SLC25A48: variants seen among roughly 807,000 people sequenced by gnomAD.
SLC25A48 encodes CTC-321K16.1.
In SLC25A48, 29 loss-of-function variants were observed where a neutral mutation model predicts 32.2. That is an observed-to-expected ratio of 0.90 (90% CI 0.67 to 1.23). The LOEUF is 1.23. Ranked by LOEUF, SLC25A48 falls within the 50% of genes most tolerant of loss-of-function variation. The pLI is 0.00. For missense variants in SLC25A48, 399 were observed against 422.7 expected (o/e 0.94, Z 0.49); for synonymous variants, 164 against 172.3 (o/e 0.95, Z 0.38).
chr5:135,711,431 C>T (rs959151490), intron 3 of SLC25A48, among the ~76,000 whole-genome samples: 1 of 152,152 alleles, frequency 6.6e-6, no homozygotes, highest in Non-Finnish European at 1.5e-5. Context: ...ATATGAACCC[C>T]AGCCTCTGGG....
chr5:135,719,029 G>A lies in SLC25A48; in HGVS notation c.-521+84073G>A, dbSNP rs74619636. ...GGATTGCATGAACAAGATTATCCTG[G>A]TTGTGATTTTATACCATAGTTTTAC... On this transcript the variant is annotated intron_variant, in intron 3 of 10. Transcript: ENST00000646290. Among the ~76,000 whole-genome samples the A allele has an allele frequency of 5.0e-3, 759 of 152,220 alleles. 5 individuals are homozygous for A. Among genetic ancestry groups the A allele is most frequent in the African/African-American group, 0.017 (719 of 41,484 alleles).
Position 135,629,056 on chromosome 5 carries a change from G to C in SLC25A48, c.-848-181G>C, listed in dbSNP as rs73791010. Reference sequence around the variant, plus strand: ...GTCCCTTTTCATAAATTCCCCAGCAGTTAGAACAGCCATTAAACTGTGACT... The same window carrying C: ...GTCCCTTTTCATAAATTCCCCAGCACTTAGAACAGCCATTAAACTGTGACT... On this transcript the variant is annotated intron_variant, in intron 1 of 10. Coordinates refer to the SLC25A48 transcript ENST00000646290. The surrounding 1 kb of genome is among the most constrained non-coding windows in gnomAD (Gnocchi z 4.8). 2.6e-5 allele frequency among the ~76,000 whole-genome samples: 4 copies of C among 152,122 alleles called. No individual in the cohort carries two copies. The highest frequency in any genetic ancestry group is 9.7e-5 in the African/African-American group (4 of 41,412).
chr5:135,636,200 C>T (rs907093584), intron 3 of SLC25A48, among the ~76,000 whole-genome samples: 15 of 152,088 alleles, frequency 9.9e-5, no homozygotes, highest in East Asian at 1.9e-4. Flanking sequence ...TAATTTCATT[C>T]GACAATCACA....
intron 3 of SLC25A48, among the ~76,000 whole-genome samples, chr5:135,733,736 A>C (rs1374117062): frequency 7.2e-5 from 11 of 152,160 alleles, no homozygotes; most frequent in African/African-American, 2.4e-4. Context: ...GGCTGTGTGT[A>C]ATGAAAAGGT....
intron 3 of SLC25A48, among the ~76,000 whole-genome samples, chr5:135,684,239 G>A (rs183746294): frequency 9.9e-5 from 15 of 152,234 alleles, no homozygotes; most frequent in African/African-American, 3.1e-4. Context: ...CTTTCTAGGT[G>A]TATTCTTTAC....
At chr5:135,583,482 A>G (rs114054537) in intron 1 of SLC25A48, among the ~76,000 whole-genome samples, 1,520 of 151,976 alleles carry the variant, frequency 0.01, 26 homozygotes, top group African/African-American at 0.035. Flanking sequence ...TTCTTTTCAG[A>G]AGAGGAGTCC....
upstream of SLC25A48, among the ~76,000 whole-genome samples, chr5:135,834,277 A>G (rs1044864492): frequency 5.3e-5 from 8 of 152,210 alleles, no homozygotes; most frequent in African/African-American, 1.9e-4. Context: ...AAAGTTAGAC[A>G]TGACCCTGAA....
intron 3 of SLC25A48, among the ~76,000 whole-genome samples, chr5:135,729,539 C>T (rs557087240): frequency 6.2e-4 from 94 of 152,136 alleles, no homozygotes; most frequent in African/African-American, 2.2e-3. Flanking sequence ...AGTTGTCAGC[C>T]TAAAAAAGTG....
intron 3 of SLC25A48, among the ~76,000 whole-genome samples, chr5:135,792,125 T>C (rs769053318): frequency 8.6e-5 from 13 of 151,742 alleles, no homozygotes; most frequent in African/African-American, 2.9e-4. Context: ...CCCTGTAATA[T>C]TATTCATAAC....
intron 4 of SLC25A48, among the ~76,000 whole-genome samples, chr5:135,818,297 A>G (rs1472156552): frequency 6.6e-6 from 1 of 152,190 alleles, no homozygotes; most frequent in Non-Finnish European, 1.5e-5. Flanking sequence ...CCAGGAGGGA[A>G]GGTAGCCAGA....
chr5:135,682,602 G>A (rs1443788277), intron 3 of SLC25A48, among the ~76,000 whole-genome samples: 1 of 152,140 alleles, frequency 6.6e-6, no homozygotes, highest in African/African-American at 2.4e-5. Context: ...TATGTGCAAG[G>A]CATTCTTGCA....
chr5:135,707,223 T>G (rs1043323708), intron 3 of SLC25A48, among the ~76,000 whole-genome samples: 1 of 152,170 alleles, frequency 6.6e-6, no homozygotes, highest in Admixed American at 6.5e-5. Context: ...GCCTGTGGAC[T>G]ACTGAAGGAG....
chr5:135,609,254 GT>G (rs542066967), intron 1 of SLC25A48: 63 of 152,310 alleles, frequency 4.1e-4, no homozygotes, highest in African/African-American at 1.3e-3. Context: ...AACTCACAAG[GT>G]TACTTTATTT....
intron 2 of SLC25A48, among the ~76,000 whole-genome samples, chr5:135,843,195 G>A (rs770084495): frequency 2.0e-4 from 30 of 152,180 alleles, no homozygotes; most frequent in Non-Finnish European, 4.1e-4. Context: ...CTCCCCAGGG[G>A]ACATCCCAAT....
intron 3 of SLC25A48, among the ~76,000 whole-genome samples, chr5:135,798,064 T>G (rs1359391800): frequency 6.6e-6 from 1 of 151,928 alleles, no homozygotes; most frequent in Non-Finnish European, 1.5e-5. Context: ...GAAAAGAGAA[T>G]GATATTACTC....
At chr5:135,758,715 A>G (rs923961942) in intron 3 of SLC25A48, among the ~76,000 whole-genome samples, 1 of 150,906 alleles carries the variant, frequency 6.6e-6, no homozygotes, top group East Asian at 2.0e-4. Context: ...GTGTTAACAC[A>G]CTATGATATT....
At chr5:135,666,778 A>G (rs943018381) in intron 3 of SLC25A48, among the ~76,000 whole-genome samples, 3 of 152,194 alleles carry the variant, frequency 2.0e-5, no homozygotes, top group Admixed American at 6.5e-5. Flanking sequence ...CTGCTTATTT[A>G]GAAAAGGAAA....
At chr5:135,689,507 T>C (rs1224565125) in intron 3 of SLC25A48, among the ~76,000 whole-genome samples, 1 of 152,182 alleles carries the variant, frequency 6.6e-6, no homozygotes, top group South Asian at 2.1e-4. Flanking sequence ...CCTTGAGAGC[T>C]GAAGAGCTGG....
intron 3 of SLC25A48, chr5:135,803,046 A>C (rs1349323784): frequency 6.6e-6 from 1 of 151,584 alleles, no homozygotes; most frequent in Admixed American, 6.6e-5. Flanking sequence ...TATTACTCTT[A>C]ATATCACAGT....
Sources: gnomAD v4.1 joint callset for allele counts (sites outside exome capture counted in the v4.1 genomes callset) on GRCh38, gnomAD v4.1.1 for gene constraint, Gnocchi (gnomAD v3.1) non-coding constraint, MANE v1.5 for transcripts, NCBI Gene and HGNC (gene_info 2026-07-23, HGNC 2026-07-21) for gene names.